GNAQ: variants seen among roughly 807,000 people sequenced by gnomAD.
GNAQ encodes guanine nucleotide-binding protein G(q) subunit alpha.
A neutral mutation model predicts 43.9 loss-of-function variants in GNAQ; 8 were observed. That is an observed-to-expected ratio of 0.18 (90% CI 0.11 to 0.33). The LOEUF (loss-of-function observed/expected upper bound fraction) is 0.33, where lower values mean the gene tolerates loss of function less well. GNAQ is among the 10% of genes least tolerant of loss of function. The pLI, the probability that GNAQ is intolerant of heterozygous loss-of-function variation, is 1.00. For missense variants in GNAQ, 158 were observed against 450.8 expected (o/e 0.35, Z 5.88); for synonymous variants, 155 against 170.7 (o/e 0.91, Z 0.71).
chr9:77,768,452 C>T (rs1405564838), intron 5 of GNAQ, among the ~76,000 whole-genome samples: 1 of 152,162 alleles, frequency 6.6e-6, no homozygotes, highest in Non-Finnish European at 1.5e-5. Flanking sequence ...AATGTCTCCA[C>T]CTAAGCTTGA....
At chr9:77,905,707 A>G (rs989426011) in intron 2 of GNAQ, among the ~76,000 whole-genome samples, 7 of 152,186 alleles carry the variant, frequency 4.6e-5, no homozygotes, top group African/African-American at 1.7e-4. Flanking sequence ...ATTCAGGAAA[A>G]TTCTGTCCAA....
rs553647323 is a variant in GNAQ at position 77,717,558 on chromosome 9, T to C, written c.*3765A>G. 1.6e-4 allele frequency: 38 copies of C among 232,460 alleles called. No homozygotes were observed. The highest frequency in any genetic ancestry group is 3.1e-4 in the Non-Finnish European group (36 of 117,608). 14.4% of individuals were successfully genotyped at this position (232,460 alleles called of 1,614,324 possible). ...CATTTTGACCCAAATCCAGCATAAATAGCTTTTCACCAATTCCTAACTTAA... is the reference window on the plus strand; with the variant it reads ...CATTTTGACCCAAATCCAGCATAAACAGCTTTTCACCAATTCCTAACTTAA... On this transcript the variant is annotated 3_prime_UTR_variant, in exon 7 of 7. Transcript: ENST00000286548.
chr9:77,889,386 GGGCGACA>G, intron 2 of GNAQ, among the ~76,000 whole-genome samples: 1 of 121,324 alleles, frequency 8.2e-6, no homozygotes. Context: ...ATTCCAGCCT[GGGCGACA>G]AAGCCAGACC....
intron 2 of GNAQ, among the ~76,000 whole-genome samples, chr9:77,891,710 G>A (rs560378928): frequency 3.9e-5 from 6 of 152,288 alleles, no homozygotes; most frequent in East Asian, 1.9e-4. Flanking sequence ...TTTGAAAGCC[G>A]TACTAGTTCT....
Position 77,797,665 on chromosome 9 carries a change from A to C in GNAQ, c.477-17T>G, listed in dbSNP as rs2118457086. The C allele has an allele frequency of 6.2e-7, 1 of 1,611,364 alleles. No individual in the cohort carries two copies. The highest frequency in any genetic ancestry group is 8.5e-7 in the Non-Finnish European group (1 of 1,178,268). On this transcript the variant is annotated splice_polypyrimidine_tract_variant and intron_variant, in intron 3 of 6. Transcript: ENST00000286548. ...TTAAGATAGCTAGAGGAGGGAAGAC[A>C]CAATGAGAATGTCAGTGACACCATC...
At chr9:77,880,930 T>C (rs1370086806) in intron 2 of GNAQ, among the ~76,000 whole-genome samples, 15 of 152,124 alleles carry the variant, frequency 9.9e-5, no homozygotes, top group Admixed American at 9.8e-4. Flanking sequence ...ACTGAATATA[T>C]TCTGGGCTTA....
chr9:77,870,264 A>C (rs1301453722), intron 2 of GNAQ, among the ~76,000 whole-genome samples: 1 of 151,656 alleles, frequency 6.6e-6, no homozygotes, highest in Non-Finnish European at 1.5e-5. Context: ...TTACATATAA[A>C]TGAGGTTACA....
chr9:77,840,550 T>TGCC (rs1330082951), intron 2 of GNAQ, among the ~76,000 whole-genome samples: 1 of 152,156 alleles, frequency 6.6e-6, no homozygotes, highest in Non-Finnish European at 1.5e-5. Context: ...TTGGCCAGGC[T>TGCC]GGTCTGGAAC....
At chr9:77,949,409 G>A (rs1822946742) in intron 1 of GNAQ, among the ~76,000 whole-genome samples, 1 of 152,198 alleles carries the variant, frequency 6.6e-6, no homozygotes, top group Admixed American at 6.5e-5. Context: ...TTCAAATTCT[G>A]AATCTCTTGG....
chr9:77,889,410 C>CAAAAAAAAAAA lies in GNAQ; in HGVS notation c.321+32740_321+32750dup, dbSNP rs58496646. The stretch of plus-strand genomic sequence containing the variant: ...TGGGCGACAAAGCCAGACCCTGTCT[C>CAAAAAAAAAAA]AAAAAAAAAAAAAAAAAAAAAAAAA... On this transcript the variant is annotated intron_variant, in intron 2 of 6. Coordinates refer to ENST00000286548, the MANE Select transcript of GNAQ (RefSeq NM_002072.5). Among the ~76,000 whole-genome samples the CAAAAAAAAAAA allele has an allele frequency of 4.2e-4, 20 of 48,064 alleles. 3 individuals are homozygous for CAAAAAAAAAAA. The highest frequency in any genetic ancestry group is 1.1e-3 in the East Asian group (1 of 900). The allele number at this position is 48,064 out of a possible 152,430, so 31.5% of individuals were successfully genotyped here. A position where few individuals can be genotyped will look rare whatever the true frequency, so the allele number is the denominator to read the frequency against.
At chr9:77,725,649 G>GA (rs1825386880) in intron 6 of GNAQ, among the ~76,000 whole-genome samples, 1 of 149,646 alleles carries the variant, frequency 6.7e-6, no homozygotes, top group South Asian at 2.1e-4. Flanking sequence ...ATGCTGGAAG[G>GA]AAAATGCTTG....
intron 6 of GNAQ, among the ~76,000 whole-genome samples, chr9:77,726,762 T>A (rs909766520): frequency 6.6e-6 from 1 of 152,222 alleles, no homozygotes; most frequent in Non-Finnish European, 1.5e-5. Context: ...AATTCTTTCT[T>A]GCCCAGGGAT....
At chr9:78,027,459 G>C (rs940254852) in intron 1 of GNAQ, among the ~76,000 whole-genome samples, 2 of 152,116 alleles carry the variant, frequency 1.3e-5, no homozygotes, top group Non-Finnish European at 2.9e-5. Context: ...TGTTTGCAGT[G>C]TACAACAGGA....
rs1449351796 is a variant in GNAQ at position 77,740,767 on chromosome 9, A to G, written c.736-12100T>C. On this transcript the variant is annotated intron_variant, in intron 5 of 6. Coordinates refer to ENST00000286548, the MANE Select transcript of GNAQ (RefSeq NM_002072.5). ...GGCTATATGAATGTTATTACTTTTT[A>G]TGAAGCTTAATATTAATGATAACTA... 2.6e-5 allele frequency among the ~76,000 whole-genome samples: 4 copies of G among 152,164 alleles called. 1 individual carries two copies. In the South Asian group the frequency reaches 6.2e-4, roughly 24 times the overall value.
At chr9:77,773,479 C>T (rs1401445379) in intron 5 of GNAQ, among the ~76,000 whole-genome samples, 5 of 152,194 alleles carry the variant, frequency 3.3e-5, no homozygotes, top group Admixed American at 3.3e-4. Context: ...TCATTCTTCA[C>T]ATTATGAGGG....
chr9:78,002,959 T>C (rs1045792158), intron 1 of GNAQ, among the ~76,000 whole-genome samples: 74 of 152,090 alleles, frequency 4.9e-4, no homozygotes, highest in African/African-American at 1.7e-3. Context: ...AAATACATAG[T>C]AGTTATTTCA....
chr9:77,842,038 A>G (rs1225758986), intron 2 of GNAQ, among the ~76,000 whole-genome samples: 1 of 152,214 alleles, frequency 6.6e-6, no homozygotes, highest in Non-Finnish European at 1.5e-5. Flanking sequence ...AAATTAGTTA[A>G]TAACTATGTG....
chr9:78,010,437 A>G (rs1823759838), intron 1 of GNAQ, among the ~76,000 whole-genome samples: 1 of 152,190 alleles, frequency 6.6e-6, no homozygotes, highest in African/African-American at 2.4e-5. Flanking sequence ...TGTTCTCATC[A>G]CTGAATTTAG....
chr9:77,846,433 T>A (rs1235975444), intron 2 of GNAQ, among the ~76,000 whole-genome samples: 1 of 152,146 alleles, frequency 6.6e-6, no homozygotes, highest in Non-Finnish European at 1.5e-5. Flanking sequence ...ACAAGCTGGT[T>A]AGGAGAGGCT....
Sources: gnomAD v4.1 joint callset for allele counts (sites outside exome capture counted in the v4.1 genomes callset) on GRCh38, gnomAD v4.1.1 for gene constraint, MANE v1.5 for transcripts, NCBI Gene and HGNC (gene_info 2026-07-23, HGNC 2026-07-21) for gene names.